The following RNF17 variants were observed in gnomAD, a reference collection of about 807,000 sequenced individuals.
The protein encoded by RNF17 is ring finger protein 17, also known as spermatogenesis associated 23.
A neutral mutation model predicts 200.5 loss-of-function variants in RNF17; 31 were observed. That is an observed-to-expected ratio of 0.15 (90% CI 0.12 to 0.21). RNF17 has a LOEUF of 0.21. RNF17 is among the 10% of genes least tolerant of loss of function. The pLI is 1.00. For missense variants in RNF17, 1,628 were observed against 1,905.1 expected (o/e 0.85, Z 2.71); for synonymous variants, 606 against 637.8 (o/e 0.95, Z 0.75).
rs57755622 is a variant in RNF17, at chr13:24,764,888, G to GGTGTGTGTGTGT, written c.130+580_130+591dup. Among the ~76,000 whole-genome samples, 5 of 134,174 alleles carry GGTGTGTGTGTGT rather than the reference G, an allele frequency of 3.7e-5. No homozygotes were observed. In the East Asian group the frequency reaches 1.0e-3, roughly 27 times the overall value. The allele number at this position is 134,174 out of a possible 152,430, so 88.0% of individuals were successfully genotyped here. On this transcript the variant is annotated intron_variant, in intron 1 of 35. Coordinates refer to ENST00000255324, the MANE Select transcript of RNF17 (RefSeq NM_031277.3). Reference sequence around the variant, plus strand: ...ATAGTTTCTTTTGTGCACCTTGTGGGGTGTGTGTGTGTGTGTGTGTGTGTG... The same window carrying GGTGTGTGTGTGT: ...ATAGTTTCTTTTGTGCACCTTGTGGGGTGTGTGTGTGTGTGTGTGTGTGTGTGTGTGTGTGTG...
intron 5 of RNF17, among the ~76,000 whole-genome samples, chr13:24,780,564 C>T (rs1373498919): frequency 6.6e-6 from 1 of 152,140 alleles, no homozygotes; most frequent in African/African-American, 2.4e-5. Context: ...TTAACCCATT[C>T]CAGCATCAAT....
At position 24,864,858 on chromosome 13, in the gene RNF17, T is replaced by C. The variant is rs1566245502; in HGVS notation, c.3976-15T>C. On this transcript the variant is annotated splice_polypyrimidine_tract_variant and intron_variant, in intron 28 of 35. Coordinates refer to ENST00000255324, the MANE Select transcript of RNF17 (RefSeq NM_031277.3). ...GAGTTTATTTTTATGATTATCTTTA[T>C]TGAACTTTAAATAGGAGTTACCTAA... 4.7e-6 allele frequency: 7 copies of C among 1,501,642 alleles called. No individual in the cohort carries two copies. The highest frequency in any genetic ancestry group is 6.4e-6 in the Non-Finnish European group (7 of 1,096,372). The allele number at this position is 1,501,642 out of a possible 1,614,324, so 93.0% of individuals were successfully genotyped here.
At chr13:24,859,791 T>C (rs900859131) in intron 26 of RNF17, among the ~76,000 whole-genome samples, 1 of 152,104 alleles carries the variant, frequency 6.6e-6, no homozygotes, top group African/African-American at 2.4e-5. Flanking sequence ...TATTTTCTGT[T>C]TGATGATGAT....
intron 15 of RNF17, among the ~76,000 whole-genome samples, chr13:24,818,810 T>A (rs1457607956): frequency 6.6e-6 from 1 of 152,050 alleles, no homozygotes; most frequent in East Asian, 1.9e-4. Context: ...CAGCATATAG[T>A]TGGATCATGT....
chr13:24,843,694 A>G (rs916955439), intron 19 of RNF17, 50 bp from the exon 20 acceptor site: 3 of 1,134,216 alleles, frequency 2.6e-6, no homozygotes, highest in Non-Finnish European at 3.9e-6. Flanking sequence ...AGCAAATGCA[A>G]ACAAATATTT....
chr13:24,767,424 T>TA, intron 2 of RNF17, 58 bp downstream of exon 2: 1 of 1,186,726 alleles, frequency 8.4e-7, no homozygotes, highest in South Asian at 1.3e-5. Context: ...ATGGTAAAAA[T>TA]ACTACAGTAG....
At chr13:24,775,022 T>C (rs1467800452) in intron 3 of RNF17, 118 bp downstream of exon 3, 2 of 655,296 alleles carry the variant, frequency 3.1e-6, no homozygotes, top group South Asian at 2.2e-5. Context: ...GTTTATGGAA[T>C]GCTCTTTAAG....
At position 24,845,972 on chromosome 13, in the gene RNF17, A is replaced by G. The variant is rs1353208173; in HGVS notation, c.3101+893A>G. Among the ~76,000 whole-genome samples, 5 of 152,160 alleles carry G rather than the reference A, an allele frequency of 3.3e-5. No homozygotes were observed. The South Asian group carries it at 8.3e-4, about 25-fold the overall frequency. On this transcript the variant is annotated intron_variant, in intron 22 of 35. Transcript: ENST00000255324. Reference sequence around the variant, plus strand: ...GCCAGGTGAGGTGGCTCACACCTGTAATCCCAGCACTTTGGGACACTAAGG... The same window carrying G: ...GCCAGGTGAGGTGGCTCACACCTGTGATCCCAGCACTTTGGGACACTAAGG...
chr13:24,793,224 C>T lies in RNF17; in HGVS notation c.1118C>T (p.Ala373Val), dbSNP rs752584066. The T allele has an allele frequency of 6.2e-7, 1 of 1,614,046 alleles. No individual in the cohort carries two copies. The highest frequency in any genetic ancestry group is 8.5e-7 in the Non-Finnish European group (1 of 1,179,972). The change falls in exon 10 of 36, where the codon GCA becomes GTA. Residue 373 changes from alanine to valine, a missense_variant. Coordinates refer to ENST00000255324, the MANE Select transcript of RNF17 (RefSeq NM_031277.3). ...QPETNDVHLE[A>V]KNFQPQKDVA... ...GAGACAAATGATGTACATTTAGAAG[C>T]AAAAAACTTCCAGCCACAGAAAGAC... is the stretch of plus-strand genomic sequence containing the variant.
intron 23 of RNF17, among the ~76,000 whole-genome samples, chr13:24,850,646 T>TAA (rs1891783232): frequency 6.6e-6 from 1 of 152,252 alleles, no homozygotes. Context: ...CTAATTTAAA[T>TAA]GTTTTATTAC....
At chr13:24,801,943 T>C (rs188779297) in intron 13 of RNF17, among the ~76,000 whole-genome samples, 49 of 152,296 alleles carry the variant, frequency 3.2e-4, no homozygotes, top group African/African-American at 1.2e-3. Context: ...TCATAAAGAC[T>C]GCCCCTAAGT....
At chr13:24,786,904 CT>C (rs769887722) in intron 6 of RNF17, among the ~76,000 whole-genome samples, 67 of 152,224 alleles carry the variant, frequency 4.4e-4, no homozygotes, top group Non-Finnish European at 6.9e-4. Context: ...CAAATAATTT[CT>C]GTCTCTTTGT....
downstream of RNF17, chr13:24,882,418 CAAGTAAGT>C (rs543069738): frequency 1.3e-5 from 2 of 151,926 alleles, no homozygotes. Flanking sequence ...TATAAATTTA[CAAGTAAGT>C]AAGTAAGTGA....
Position 24,868,135 on chromosome 13 carries a change from T to C in RNF17, c.4162-465T>C, listed in dbSNP as rs562031206. Among the ~76,000 whole-genome samples the C allele has an allele frequency of 1.1e-4, 16 of 152,276 alleles. No homozygotes were observed. In the South Asian group the frequency reaches 2.9e-3, roughly 28 times the overall value. Reference sequence around the variant, plus strand: ...ATCTTTGATTATCATCACATTTTGGTCCTACTGTAACAAAATCATTTTATG... The same window carrying C: ...ATCTTTGATTATCATCACATTTTGGCCCTACTGTAACAAAATCATTTTATG... On this transcript the variant is annotated intron_variant, in intron 30 of 35. Transcript: ENST00000255324.
chr13:24,775,508 C>G (rs555249944), intron 3 of RNF17, among the ~76,000 whole-genome samples: 222 of 152,262 alleles, frequency 1.5e-3, no homozygotes, highest in Non-Finnish European at 2.7e-3. Context: ...GCCTCAGCCT[C>G]TCAAAGTGCT....
intron 1 of RNF17, among the ~76,000 whole-genome samples, chr13:24,766,174 G>GA (rs1376782229): frequency 2.0e-5 from 3 of 152,220 alleles, no homozygotes; most frequent in East Asian, 3.8e-4. Flanking sequence ...AGTTGGCAGT[G>GA]AACCGAGATC....
upstream of RNF17, among the ~76,000 whole-genome samples, chr13:24,762,988 CCATCTACCTTCCCTCA>C (rs1043695569): frequency 1.3e-5 from 2 of 152,168 alleles, no homozygotes; most frequent in Admixed American, 6.5e-5. Flanking sequence ...ACTGTGTCTT[CCATCTACCTTCCCTCA>C]CATCTACCTT....
intron 2 of RNF17, among the ~76,000 whole-genome samples, chr13:24,771,981 G>T (rs1459521827): frequency 6.6e-6 from 1 of 152,126 alleles, no homozygotes; most frequent in Admixed American, 6.5e-5. Context: ...TCCAGCCTGG[G>T]CAACAAGAGC....
the RNF17 span, among the ~76,000 whole-genome samples, chr13:24,757,409 C>T: frequency 3.3e-5 from 5 of 151,998 alleles, no homozygotes; most frequent in East Asian, 1.9e-4. Context: ...CTGCAACCTC[C>T]GCCTCCTGGG....
Sources: allele counts gnomAD v4.1 joint callset (sites outside exome capture counted in the v4.1 genomes callset), GRCh38; gene constraint gnomAD v4.1.1; transcripts MANE v1.5; gene names NCBI Gene and HGNC (gene_info 2026-07-23, HGNC 2026-07-21).